Variants in EYS observed in about 807,000 individuals in gnomAD.
EYS encodes the protein EGF-like photoreceptor maintenance factor.
EYS carries 250 observed loss-of-function variants against 282.1 expected under a neutral mutation model. The observed-to-expected ratio is 0.89, with a 90% confidence interval of 0.80 to 0.98. EYS has a LOEUF of 0.98. Ranked by LOEUF, EYS falls within the 50% of genes least tolerant of loss-of-function variation. EYS has a pLI of 0.00. For synonymous variants in EYS, 1,355 were observed against 1,282.9 expected (o/e 1.06, Z -1.20); for missense variants, 4,016 against 3,709.0 (o/e 1.08, Z -2.15).
intron 36 of EYS, among the ~76,000 whole-genome samples, chr6:63,852,156 C>CAAAAAAA (rs67772165): frequency 3.6e-5 from 2 of 54,986 alleles, no homozygotes; most frequent in African/African-American, 8.2e-5. Flanking sequence ...GACTCTGTCT[C>CAAAAAAA]AAAAAAAAAA....
chr6:64,895,362 A>G (rs1471176339), intron 18 of EYS, among the ~76,000 whole-genome samples: 1 of 152,174 alleles, frequency 6.6e-6, no homozygotes, highest in Non-Finnish European at 1.5e-5. Context: ...TGTCTTTTTA[A>G]AGATATTTTG....
chr6:64,852,963 G>A (rs1483074890), intron 19 of EYS, among the ~76,000 whole-genome samples: 1 of 152,052 alleles, frequency 6.6e-6, no homozygotes, highest in Admixed American at 6.6e-5. Context: ...ACAGCCTTAG[G>A]ACACTAACCC....
At chr6:65,557,131 C>A (rs1241556732) in intron 2 of EYS, among the ~76,000 whole-genome samples, 1 of 152,142 alleles carries the variant, frequency 6.6e-6, no homozygotes, top group Non-Finnish European at 1.5e-5. Flanking sequence ...CAAGATCCTT[C>A]GGGTGTCACT....
At chr6:63,981,098 T>C (rs1254561951) in intron 35 of EYS, among the ~76,000 whole-genome samples, 1 of 151,794 alleles carries the variant, frequency 6.6e-6, no homozygotes. Flanking sequence ...TGGCCCTCTG[T>C]GTCCTACCTC....
chr6:64,748,507 C>T (rs1355841860), intron 22 of EYS, among the ~76,000 whole-genome samples: 1 of 152,172 alleles, frequency 6.6e-6, no homozygotes, highest in Non-Finnish European at 1.5e-5. Context: ...GCATTTATAG[C>T]TCAGTATCAT....
chr6:64,145,187 C>T (rs1051270809), intron 31 of EYS, among the ~76,000 whole-genome samples: 4 of 152,026 alleles, frequency 2.6e-5, no homozygotes, highest in Admixed American at 2.6e-4. Flanking sequence ...TTCTTTTTAC[C>T]ATATTTCTCT....
At chr6:65,620,625 G>C (rs1023461374) in intron 2 of EYS, among the ~76,000 whole-genome samples, 24 of 150,432 alleles carry the variant, frequency 1.6e-4, no homozygotes, top group African/African-American at 5.9e-4. Context: ...TGCTTTTCTA[G>C]TTCTTTTAAT....
At chr6:63,724,598 A>C (rs1039599195) in intron 42 of EYS, among the ~76,000 whole-genome samples, 1 of 152,114 alleles carries the variant, frequency 6.6e-6, no homozygotes, top group Admixed American at 6.6e-5. Context: ...AAAGGTGTTA[A>C]ATTTTTAGCA....
chr6:65,601,300 C>A (rs760453366), intron 2 of EYS, among the ~76,000 whole-genome samples: 1 of 151,634 alleles, frequency 6.6e-6, no homozygotes. Context: ...ATAACAATAG[C>A]AAAACAATAA....
chr6:64,393,293 C>G (rs552869446), intron 28 of EYS, among the ~76,000 whole-genome samples: 3 of 152,176 alleles, frequency 2.0e-5, no homozygotes, highest in African/African-American at 7.2e-5. Flanking sequence ...AGGCCAGCAT[C>G]ATTCTGATAC....
chr6:64,092,490 C>A (rs1290766298), intron 31 of EYS, among the ~76,000 whole-genome samples: 16 of 152,210 alleles, frequency 1.1e-4, no homozygotes, highest in African/African-American at 2.9e-4. Context: ...ATTTGCATTT[C>A]TCTGATGGCC....
chr6:64,392,571 G>C (rs1231132784), intron 28 of EYS, among the ~76,000 whole-genome samples: 11 of 151,834 alleles, frequency 7.2e-5, no homozygotes, highest in Admixed American at 7.2e-4. Context: ...GATGTTCTTT[G>C]AAACCAATGA....
At chr6:65,097,986 T>C (rs1280401235) in intron 12 of EYS, among the ~76,000 whole-genome samples, 1 of 150,674 alleles carries the variant, frequency 6.6e-6, no homozygotes, top group South Asian at 2.1e-4. Flanking sequence ...TGTGTGATGT[T>C]AACTAACACA....
chr6:65,349,809 A>G lies in EYS; in HGVS notation c.1459+3649T>C, dbSNP rs117352407. Among the ~76,000 whole-genome samples, 113 of 151,592 alleles carry G rather than the reference A, an allele frequency of 7.5e-4. 1 individual carries two copies. The East Asian group carries it at 0.017, about 23-fold the overall frequency. On this transcript the variant is annotated intron_variant, in intron 9 of 42. Coordinates refer to ENST00000503581, the MANE Select transcript of EYS (RefSeq NM_001142800.2). ...GAAAGAAAAAACTATTAAGAATAAT[A>G]GTAGCTACAGTGTAATATATCTTTA... is the stretch of plus-strand genomic sequence containing the variant.
At chr6:64,438,173 T>A (rs1303694566) in intron 27 of EYS, among the ~76,000 whole-genome samples, 1 of 151,684 alleles carries the variant, frequency 6.6e-6, no homozygotes, top group Non-Finnish European at 1.5e-5. Context: ...TTTTGAAAGG[T>A]TCTTATAACA....
At chr6:63,828,876 G>A (rs147466811) in intron 36 of EYS, among the ~76,000 whole-genome samples, 3 of 148,280 alleles carry the variant, frequency 2.0e-5, no homozygotes, top group Non-Finnish European at 2.9e-5. Flanking sequence ...AAACTAGTAT[G>A]GAATGTAAAC....
At chr6:65,121,253 T>C (rs921614112) in intron 12 of EYS, among the ~76,000 whole-genome samples, 2 of 152,108 alleles carry the variant, frequency 1.3e-5, no homozygotes, top group African/African-American at 2.4e-5. Flanking sequence ...CAAAAGAGTA[T>C]ACACCAAGTA....
chr6:65,476,766 G>A (rs1288491568), intron 5 of EYS, among the ~76,000 whole-genome samples: 2 of 151,972 alleles, frequency 1.3e-5, no homozygotes, highest in Non-Finnish European at 1.5e-5. Context: ...TAGTAGAGAC[G>A]GGGTTTCACC....
At chr6:64,813,231 G>C (rs1012978463) in intron 22 of EYS, 147 bp downstream of exon 22, 4 of 525,508 alleles carry the variant, frequency 7.6e-6, no homozygotes, top group Admixed American at 8.5e-5. Context: ...TTTTGTAATT[G>C]TTATTTTCTA....
Sources: gnomAD v4.1 joint callset for allele counts (sites outside exome capture counted in the v4.1 genomes callset) on GRCh38, gnomAD v4.1.1 for gene constraint, MANE v1.5 for transcripts, NCBI Gene and HGNC (gene_info 2026-07-23, HGNC 2026-07-21) for gene names.